Variants in MATR3 observed in about 807,000 individuals in gnomAD.
MATR3 encodes the protein matrin-3.
MATR3 carries 4 observed loss-of-function variants against 85.5 expected under a neutral mutation model. That is an observed-to-expected ratio of 0.05 (90% CI 0.02 to 0.11). The LOEUF is 0.11. Ranked by LOEUF, MATR3 falls within the 10% of genes least tolerant of loss-of-function variation. The pLI, the probability that MATR3 is intolerant of heterozygous loss-of-function variation, is 1.00. For missense variants in MATR3, 685 were observed against 1,016.1 expected (o/e 0.67, Z 4.43); for synonymous variants, 336 against 343.1 (o/e 0.98, Z 0.23).
chr5:139,295,437 CACTTAACAGTATAT>C (rs1326997503), intron 1 of MATR3, among the ~76,000 whole-genome samples: 3 of 152,194 alleles, frequency 2.0e-5, no homozygotes, highest in African/African-American at 7.2e-5. Flanking sequence ...TCTTCCTTTG[CACTTAACAGTATAT>C]ACTTAGAACA....
intron 3 of MATR3, among the ~76,000 whole-genome samples, chr5:139,287,174 G>C (rs1045875666): frequency 4.6e-5 from 7 of 152,320 alleles, no homozygotes; most frequent in African/African-American, 1.7e-4. Flanking sequence ...TGTCATTGAT[G>C]ACAGGACTCC....
chr5:139,319,384 A>G lies in MATR3; in HGVS notation c.1485A>G (p.Gly495=), dbSNP rs937013088. 6.2e-6 allele frequency: 10 copies of G among 1,614,086 alleles called. No individual in the cohort carries two copies. Among genetic ancestry groups the G allele is most frequent in the Non-Finnish European group, 8.5e-6 (10 of 1,180,056 alleles). ...AGTTTGATCAAAAGCAAGAGCTTGG[A>G]CGTGTGATACATCTCAGCAATTTGC... ...DQKFDQKQEL[G]RVIHLSNLPH... Residue 495 remains glycine (G), a synonymous_variant, in exon 9 of 15, where the codon GGA becomes GGG. Coordinates refer to ENST00000394805, the MANE Select transcript of MATR3 (RefSeq NM_018834.6).
chr5:139,284,560 A>G (rs1248716562), intron 3 of MATR3, among the ~76,000 whole-genome samples: 1 of 152,032 alleles, frequency 6.6e-6, no homozygotes, highest in Non-Finnish European at 1.5e-5. Flanking sequence ...GTGAGCTGAG[A>G]TCGTGCCACT....
At chr5:139,283,148 T>C (rs979283133) in intron 3 of MATR3, 2 of 152,248 alleles carry the variant, frequency 1.3e-5, no homozygotes, top group Admixed American at 6.5e-5. Context: ...TAGTAGAGGA[T>C]GGGGATTTTG....
chr5:139,320,165 T>G (rs1259799520), intron 9 of MATR3, among the ~76,000 whole-genome samples: 2 of 151,642 alleles, frequency 1.3e-5, no homozygotes, highest in Non-Finnish European at 2.9e-5. Context: ...AAAAATTAGC[T>G]GGGCGTGGTG....
intron 3 of MATR3, among the ~76,000 whole-genome samples, chr5:139,285,968 G>C (rs1283967314): frequency 6.6e-6 from 1 of 152,124 alleles, no homozygotes; most frequent in African/African-American, 2.4e-5. Context: ...AGGGCAGAAA[G>C]TTTACTTAAA....
intron 3 of MATR3, among the ~76,000 whole-genome samples, chr5:139,284,847 A>C (rs1160396792): frequency 1.3e-5 from 2 of 152,210 alleles, no homozygotes; most frequent in Non-Finnish European, 2.9e-5. Flanking sequence ...GAAGTGTATA[A>C]TTATAATATG....
chr5:139,315,748 A>AT lies in MATR3; in HGVS notation c.1016+16dup. On this transcript the variant is annotated intron_variant, in intron 4 of 14. Coordinates refer to ENST00000394805, the MANE Select transcript of MATR3 (RefSeq NM_018834.6). ...ATACAGGACACACAATGTAAGTTAA[A>AT]TTTTTTAAGCTACCATTTGTAAAGG... is the stretch of plus-strand genomic sequence containing the variant. 1.2e-6 allele frequency: 2 copies of AT among 1,605,484 alleles called. No individual in the cohort carries two copies. Among genetic ancestry groups the AT allele is most frequent in the East Asian group, 2.2e-5 (1 of 44,692 alleles).
In MATR3 at chr5:139,287,891, T is replaced by C. The variant is rs538094331; in HGVS notation, c.-178+8762T>C. On this transcript the variant is annotated intron_variant, in intron 3 of 16. Coordinates refer to ENST00000509990, the Ensembl canonical transcript of MATR3. ...TCATTGTAGAATGTCCTTCATGAAA[T>C]AGGCATTTGATGAATGAAATCTTGC... 1.2e-4 allele frequency among the ~76,000 whole-genome samples: 18 copies of C among 152,162 alleles called. No individual in the cohort carries two copies. The South Asian group carries it at 2.9e-3, about 25-fold the overall frequency.
Position 139,307,164 on chromosome 5 carries a change from C to A in MATR3, c.-177-75C>A. The A allele has an allele frequency of 9.6e-7, 1 of 1,038,456 alleles. No individual in the cohort carries two copies. The allele number at this position is 1,038,456 out of a possible 1,614,324, so 64.3% of individuals were successfully genotyped here. ...GTTTTTTTTTTAAATCAACATGATG[C>A]ATAAGTTTTTTTTTCTTAAAAAAAC... On this transcript the variant is annotated intron_variant, in intron 1 of 14. Transcript: ENST00000394805. The surrounding 1 kb of genome is among the most constrained non-coding windows in gnomAD (Gnocchi z 4.4).
intron 3 of MATR3, among the ~76,000 whole-genome samples, chr5:139,281,367 T>G (rs1044888342): frequency 4.1e-5 from 6 of 146,916 alleles, no homozygotes; most frequent in African/African-American, 1.0e-4. Flanking sequence ...TTTTTTTTTT[T>G]TTTTTTGCTC....
intron 1 of MATR3, chr5:139,274,346 C>A: frequency 2.9e-6 from 1 of 345,342 alleles, no homozygotes; most frequent in Admixed American, 3.8e-5. Flanking sequence ...TACCATCCCT[C>A]TTCCCTCTTC....
At chr5:139,317,143 T>C (rs1455410943) in intron 6 of MATR3, 38 bp downstream of exon 6, 1 of 1,589,098 alleles carries the variant, frequency 6.3e-7, no homozygotes, top group African/African-American at 1.3e-5. Flanking sequence ...GTATTTATGA[T>C]TTTTGGGAAT....
intron 2 of MATR3, among the ~76,000 whole-genome samples, chr5:139,309,450 A>C (rs893203591): frequency 6.6e-6 from 1 of 152,172 alleles, no homozygotes; most frequent in East Asian, 1.9e-4. Context: ...ATTTTTTAGT[A>C]AATGAGTATG....
chr5:139,284,204 A>G lies in MATR3; in HGVS notation c.-178+5075A>G, dbSNP rs551003369. On this transcript the variant is annotated intron_variant, in intron 3 of 16. Coordinates refer to ENST00000509990, the Ensembl canonical transcript of MATR3. ...CTAAGAGTACCATTTTTGTTCTTATAAAAGAATTTTTTTGGACATGAATAC... is the reference window on the plus strand; with the variant it reads ...CTAAGAGTACCATTTTTGTTCTTATGAAAGAATTTTTTTGGACATGAATAC... 1.3e-4 allele frequency among the ~76,000 whole-genome samples: 20 copies of G among 152,308 alleles called. No homozygotes were observed. In the East Asian group the frequency reaches 1.5e-3, roughly 12 times the overall value.
chr5:139,322,559 A>C, intron 11 of MATR3, 39 bp from the exon 12 acceptor site: 1 of 1,584,126 alleles, frequency 6.3e-7, no homozygotes. Context: ...TTACTTTTTC[A>C]GACAACAAAT....
At chr5:139,311,397 A>G (rs1208722973) in intron 2 of MATR3, 3 of 152,212 alleles carry the variant, frequency 2.0e-5, no homozygotes, top group East Asian at 1.9e-4. Context: ...ATATTTTTAT[A>G]AAACTCTTTC....
At chr5:139,308,388 T>C in intron 2 of MATR3, 61 bp downstream of exon 2, 1 of 1,583,154 alleles carries the variant, frequency 6.3e-7, no homozygotes, top group Non-Finnish European at 8.7e-7. Flanking sequence ...TTTACCTATA[T>C]CTTTGACTCT....
intron 2 of MATR3, chr5:139,314,402 T>A: frequency 2.5e-6 from 1 of 402,278 alleles, no homozygotes; most frequent in Non-Finnish European, 4.7e-6. Flanking sequence ...TTGATCTTTA[T>A]TAACTCTATA....
Sources: gnomAD v4.1 joint callset for allele counts (sites outside exome capture counted in the v4.1 genomes callset) on GRCh38, gnomAD v4.1.1 for gene constraint, Gnocchi (gnomAD v3.1) non-coding constraint, MANE v1.5 for transcripts, NCBI Gene and HGNC (gene_info 2026-07-23, HGNC 2026-07-21) for gene names.